Variants in SLC4A4 observed in about 807,000 individuals in gnomAD.
The protein encoded by SLC4A4 is electrogenic sodium bicarbonate cotransporter 1.
A neutral mutation model predicts 111.5 loss-of-function variants in SLC4A4; 27 were observed. The ratio of observed to expected loss-of-function variants is 0.24; its 90% confidence interval spans 0.18 to 0.33. The LOEUF is 0.33. SLC4A4 is among the 10% of genes least tolerant of loss of function. The probability of loss-of-function intolerance (pLI) is 1.00; values close to 1 mark genes in which losing one functional copy is unlikely to be tolerated. For synonymous variants in SLC4A4, 443 were observed against 463.4 expected (o/e 0.96, Z 0.57); for missense variants, 909 against 1,315.5 (o/e 0.69, Z 4.78).
intron 1 of SLC4A4, among the ~76,000 whole-genome samples, chr4:71,227,027 A>G (rs112436620): frequency 7.2e-5 from 11 of 152,208 alleles, no homozygotes; most frequent in African/African-American, 9.6e-5. Context: ...AGTACAGTTG[A>G]GTGATGATAA....
chr4:71,187,606 G>A (rs969615098), intron 1 of SLC4A4, among the ~76,000 whole-genome samples: 2 of 152,206 alleles, frequency 1.3e-5, no homozygotes, highest in Admixed American at 6.5e-5. Context: ...CCGCGGAAAA[G>A]TATTTTTTTT....
intron 20 of SLC4A4, among the ~76,000 whole-genome samples, chr4:71,551,698 T>C (rs984479918): frequency 1.8e-4 from 28 of 151,914 alleles, no homozygotes; most frequent in African/African-American, 2.9e-4. Flanking sequence ...AAAGAACTCA[T>C]TCACTTTCAT....
At chr4:71,263,280 A>G (rs528234940) in intron 3 of SLC4A4, among the ~76,000 whole-genome samples, 20 of 152,314 alleles carry the variant, frequency 1.3e-4, no homozygotes, top group African/African-American at 4.6e-4. Flanking sequence ...TGAACTCATA[A>G]TAACTTCCCC....
chr4:71,250,009 G>A (rs1209956409), intron 2 of SLC4A4, among the ~76,000 whole-genome samples: 1 of 152,014 alleles, frequency 6.6e-6, no homozygotes, highest in African/African-American at 2.4e-5. Flanking sequence ...ACTGTAGTTT[G>A]GTTTAAGTTT....
intron 1 of SLC4A4, among the ~76,000 whole-genome samples, chr4:71,229,662 T>C (rs1354164740): frequency 2.0e-5 from 3 of 152,132 alleles, no homozygotes; most frequent in Non-Finnish European, 4.4e-5. Flanking sequence ...TCATCACTGC[T>C]ATCAGTCATG....
intron 1 of SLC4A4, among the ~76,000 whole-genome samples, chr4:71,192,999 T>A (rs1428175875): frequency 6.6e-6 from 1 of 152,228 alleles, no homozygotes; most frequent in Non-Finnish European, 1.5e-5. Flanking sequence ...GTGAGATTCT[T>A]TCTTGTTTTG....
rs942962433 is a variant in SLC4A4, at chr4:71,146,714, G to T, written c.-2+53922G>T. Among the ~76,000 whole-genome samples the T allele has an allele frequency of 4.0e-5, 6 of 151,898 alleles. No homozygotes were observed. The East Asian group carries it at 1.2e-3, about 29-fold the overall frequency. ...TTACCATTATGTAACCACCAGGCCT[G>T]CCCTAAAAGAGCTCCTGAAGGAAGC... is the stretch of plus-strand genomic sequence containing the variant. On this transcript the variant is annotated intron_variant, in intron 2 of 26. Coordinates refer to the SLC4A4 transcript ENST00000649996.
chr4:71,320,404 C>T (rs1727028930), intron 3 of SLC4A4, among the ~76,000 whole-genome samples: 1 of 151,960 alleles, frequency 6.6e-6, no homozygotes, highest in Admixed American at 6.6e-5. Flanking sequence ...TGGATTTTGG[C>T]TTATCTCGTT....
intron 2 of SLC4A4, among the ~76,000 whole-genome samples, chr4:71,118,996 T>C (rs1743346208): frequency 6.6e-6 from 1 of 151,388 alleles, no homozygotes; most frequent in Non-Finnish European, 1.5e-5. Flanking sequence ...CATGTCATTA[T>C]GCATTTGTCT....
intron 1 of SLC4A4, among the ~76,000 whole-genome samples, chr4:71,193,198 C>A (rs547466044): frequency 6.6e-6 from 1 of 152,186 alleles, no homozygotes; most frequent in Non-Finnish European, 1.5e-5. Context: ...CCCTGTCTGT[C>A]GCCCAGGCTG....
At chr4:71,063,858 ATC>A (rs1158698065) in intron 1 of SLC4A4, among the ~76,000 whole-genome samples, 4 of 152,178 alleles carry the variant, frequency 2.6e-5, no homozygotes, top group Non-Finnish European at 4.4e-5. Flanking sequence ...ATACAGGAGT[ATC>A]CACCCCAAAT....
intron 16 of SLC4A4, among the ~76,000 whole-genome samples, chr4:71,524,320 G>A (rs1483140703): frequency 6.6e-6 from 1 of 152,062 alleles, no homozygotes; most frequent in African/African-American, 2.4e-5. Flanking sequence ...ACACACATTG[G>A]GTTTCTTGTT....
chr4:71,475,936 C>A (rs922484023), intron 14 of SLC4A4, among the ~76,000 whole-genome samples: 15 of 151,790 alleles, frequency 9.9e-5, no homozygotes, highest in Non-Finnish European at 4.4e-5. Flanking sequence ...GACCTATCTT[C>A]ATCATCCTTC....
At chr4:71,471,706 A>C (rs926980053) in intron 13 of SLC4A4, among the ~76,000 whole-genome samples, 24 of 152,088 alleles carry the variant, frequency 1.6e-4, no homozygotes, top group African/African-American at 5.8e-4. Context: ...GATCAGTATA[A>C]AATGGTAAGA....
intron 3 of SLC4A4, among the ~76,000 whole-genome samples, chr4:71,324,158 A>G (rs1181540698): frequency 6.6e-6 from 1 of 151,968 alleles, no homozygotes; most frequent in African/African-American, 2.4e-5. Flanking sequence ...CGTTTCTGTG[A>G]ACCTATTTCT....
chr4:71,132,707 T>G (rs1339365338), intron 2 of SLC4A4, among the ~76,000 whole-genome samples: 1 of 152,216 alleles, frequency 6.6e-6, no homozygotes, highest in African/African-American at 2.4e-5. Context: ...AAAAAAATCA[T>G]CATGTTTTGC....
chr4:71,256,174 A>G (rs1721437586), intron 3 of SLC4A4, among the ~76,000 whole-genome samples: 1 of 152,182 alleles, frequency 6.6e-6, no homozygotes, highest in South Asian at 2.1e-4. Context: ...AGATTCCCCA[A>G]CAGGAGTTAC....
chr4:71,317,956 A>C (rs754274319), intron 3 of SLC4A4, among the ~76,000 whole-genome samples: 22 of 152,130 alleles, frequency 1.4e-4, no homozygotes, highest in Non-Finnish European at 2.5e-4. Flanking sequence ...GTTCTTATTA[A>C]GTAATATTTC....
At chr4:71,339,566 T>C (rs1310012446) in intron 4 of SLC4A4, 61 bp downstream of exon 4, 2 of 1,558,714 alleles carry the variant, frequency 1.3e-6, no homozygotes, top group Non-Finnish European at 1.8e-6. Flanking sequence ...GGCAAGATGC[T>C]TGATCCTGGA....
Sources: gnomAD v4.1 joint callset for allele counts (sites outside exome capture counted in the v4.1 genomes callset) on GRCh38, gnomAD v4.1.1 for gene constraint, MANE v1.5 for transcripts, NCBI Gene and HGNC (gene_info 2026-07-23, HGNC 2026-07-21) for gene names.